STOML1: variants seen among roughly 807,000 people sequenced by gnomAD.
STOML1 encodes the protein stomatin like 1.
A neutral mutation model predicts 35.7 loss-of-function variants in STOML1; 27 were observed. That is an observed-to-expected ratio of 0.76 (90% CI 0.56 to 1.04). STOML1 has a LOEUF of 1.04. Ranked by LOEUF, STOML1 falls within the 50% of genes least tolerant of loss-of-function variation. STOML1 has a pLI of 0.00. For synonymous variants in STOML1, 219 were observed against 227.9 expected, an observed-to-expected ratio of 0.96 and a Z score of 0.35; for missense variants, 451 against 527.1, an observed-to-expected ratio of 0.86 and a Z score of 1.41.
At chr15:73,992,324 C>G (rs1313693226), upstream of STOML1, 3 of 1,322,024 alleles carry the variant, frequency 2.3e-6, no homozygotes, top group Admixed American at 4.1e-5. Context: ...TCCGGCTTCA[C>G]CCGCGCGGCC....
chr15:73,980,919 A>G lies in STOML1; in HGVS notation c.*3018T>C, dbSNP rs2068953326. On this transcript the variant is annotated 3_prime_UTR_variant, in exon 7 of 7. Transcript: ENST00000541638. ...AAAAATTAGCCGGTTGTGGTGGCACAACCTGTGGTCCCAGCTACTCAGGAA... is the reference window on the plus strand; with the variant it reads ...AAAAATTAGCCGGTTGTGGTGGCACGACCTGTGGTCCCAGCTACTCAGGAA... The G allele has an allele frequency of 6.6e-6, 1 of 152,120 alleles. No homozygotes were observed. The highest frequency in any genetic ancestry group is 6.5e-5 in the Admixed American group (1 of 15,274). 9.4% of individuals were successfully genotyped at this position (152,120 alleles called of 1,614,324 possible). A position where few individuals can be genotyped will look rare whatever the true frequency, so the allele number is the denominator to read the frequency against.
At chr15:73,985,812 A>C in intron 4 of STOML1, 3 of 354,078 alleles carry the variant, frequency 8.5e-6, no homozygotes, top group South Asian at 3.8e-5. Flanking sequence ...CAGACAAGAA[A>C]ACCTGGCATG....
rs918614602 is a variant in STOML1, at chr15:73,992,109, C to T, written c.115G>A (p.Gly39Ser). 1 of 1,598,460 alleles carries T rather than the reference C, an allele frequency of 6.3e-7. No individual in the cohort carries two copies. Among genetic ancestry groups the T allele is most frequent in the Admixed American group, 1.7e-5 (1 of 57,996 alleles). ...QKGCLSPERG[G>S]VGTGADVPQS... ...CACTCACCGGCCCCTGTCCCCACGC[C>T]GCCCCGCTCCGGGGACAAGCAGCCC... Residue 39 changes from glycine (G) to serine (S), a missense_variant, in exon 1 of 7, where the codon GGC becomes AGC. Physicochemically the swap from Gly to Ser is moderately conservative, Grantham distance 56 (BLOSUM62 0). Transcript: ENST00000541638.
chr15:73,992,400 C>T, upstream of STOML1: 3 of 636,046 alleles, frequency 4.7e-6, no homozygotes, highest in Non-Finnish European at 6.9e-6. Context: ...TCGCATGGCT[C>T]CCCCTGCGCT....
At position 73,989,268 on chromosome 15, in the gene STOML1, T is replaced by A; in HGVS notation, c.241-11A>T. 1.3e-6 allele frequency: 2 copies of A among 1,574,482 alleles called. No individual in the cohort carries two copies. Among genetic ancestry groups the A allele is most frequent in the Non-Finnish European group, 1.7e-6 (2 of 1,156,450 alleles). ...GTAGGTGGGCACAATCTGTCCACAA[T>A]GGCAAGGGAAAGAGTTGAAAGTGGT... On this transcript the variant is annotated splice_polypyrimidine_tract_variant and intron_variant, in intron 2 of 6. Coordinates refer to ENST00000541638, the MANE Select transcript of STOML1 (RefSeq NM_004809.5).
At chr15:73,991,165 TATTTC>T (rs1349094124) in intron 1 of STOML1, 8 of 328,368 alleles carry the variant, frequency 2.4e-5, no homozygotes, top group Non-Finnish European at 3.5e-5. Flanking sequence ...AAACCCTGCC[TATTTC>T]AATTCAAGAA....
Position 73,980,480 on chromosome 15 carries a change from A to G in STOML1, c.*3457T>C, listed in dbSNP as rs772262991. The G allele has an allele frequency of 6.6e-6, 1 of 152,272 alleles. No individual in the cohort carries two copies. Among genetic ancestry groups the G allele is most frequent in the Non-Finnish European group, 1.5e-5 (1 of 68,048 alleles). 9.4% of individuals were successfully genotyped at this position (152,272 alleles called of 1,614,324 possible). ...AGCACAGGGAAAGGCTGTCTGTGGT[A>G]ACATGGAAAGATCCTCAGTGGGTAA... is the stretch of plus-strand genomic sequence containing the variant. On this transcript the variant is annotated 3_prime_UTR_variant, in exon 7 of 7. Coordinates refer to ENST00000541638, the MANE Select transcript of STOML1 (RefSeq NM_004809.5).
chr15:73,988,459 G>T lies in STOML1; in HGVS notation c.594+140C>A. On this transcript the variant is annotated intron_variant, in intron 4 of 6. Coordinates refer to ENST00000541638, the MANE Select transcript of STOML1 (RefSeq NM_004809.5). The surrounding 1 kb of genome is among the most constrained non-coding windows in gnomAD (Gnocchi z 4.8). ...AACTCATGGCCCCACCCAGGCACTG[G>T]CTCTTCAAAGGTGGTTACACTATTG... The T allele has an allele frequency of 1.0e-6, 1 of 1,000,634 alleles. No individual in the cohort carries two copies. 62.0% of individuals were successfully genotyped at this position (1,000,634 alleles called of 1,614,324 possible). A position where few individuals can be genotyped will look rare whatever the true frequency, so the allele number is the denominator to read the frequency against.
chr15:73,985,881 G>C (rs2069082181), intron 4 of STOML1: 1 of 237,184 alleles, frequency 4.2e-6, no homozygotes. Context: ...TGTCGGCTGA[G>C]GACTGGAGAC....
upstream of STOML1, chr15:73,994,563 G>A: frequency 1.7e-6 from 1 of 576,526 alleles, no homozygotes; most frequent in Non-Finnish European, 3.2e-6. Flanking sequence ...TAAGTCAGCG[G>A]TAGGTCTGCA....
At chr15:73,992,771 T>G (rs1311898251), upstream of STOML1, among the ~76,000 whole-genome samples, 1 of 152,224 alleles carries the variant, frequency 6.6e-6, no homozygotes, top group East Asian at 1.9e-4. Flanking sequence ...ATCGTGCCAC[T>G]GCACTGCAGT....
At chr15:73,990,146 TA>T in intron 2 of STOML1, 1 of 553,586 alleles carries the variant, frequency 1.8e-6, no homozygotes. Context: ...TTCTACCCCC[TA>T]CTGGCTCCCA....
At chr15:73,985,655 A>G (rs569362604) in intron 4 of STOML1, 142 bp from the exon 5 acceptor site, 16 of 1,000,280 alleles carry the variant, frequency 1.6e-5, no homozygotes, top group Non-Finnish European at 2.3e-5. Context: ...ACACAGGCAG[A>G]GGGCAATGAC....
intron 4 of STOML1, chr15:73,987,798 A>C (rs1454168472): frequency 6.6e-6 from 1 of 152,264 alleles, no homozygotes; most frequent in Non-Finnish European, 1.5e-5. Context: ...TAAACTGCTA[A>C]GCACGTAAGA....
In STOML1 at chr15:73,989,155, G is replaced by A. The variant is rs1392782964; in HGVS notation, c.343C>T (p.Gln115Ter). 6.2e-7 allele frequency: 1 copy of A among 1,612,618 alleles called. No individual in the cohort carries two copies. Among genetic ancestry groups the A allele is most frequent in the Non-Finnish European group, 8.5e-7 (1 of 1,179,260 alleles). ...GCTCGTGTCCTCAGATCCACCCTCT[G>A]AAAGGAGTCAATGAAGGGCAAGAGC... ...VLLLPFIDSF[Q>*]RVDLRTRAFN... The change falls in exon 3 of 7, where the codon CAG (glutamine) becomes TAG (stop). Residue 115 changes from glutamine (Q) to a stop codon, truncating the protein, a stop_gained. Coordinates refer to ENST00000541638, the MANE Select transcript of STOML1 (RefSeq NM_004809.5). LOFTEE classifies it high-confidence loss of function.
Position 73,980,425 on chromosome 15 carries a change from A to G in STOML1, c.*3512T>C, listed in dbSNP as rs143228960. ...AGGTTGAATAATTTATGATACATCC[A>G]TACTGTGGAATCCTATGTAAGTACA... is the stretch of plus-strand genomic sequence containing the variant. On this transcript the variant is annotated 3_prime_UTR_variant, in exon 7 of 7. Coordinates refer to ENST00000541638, the MANE Select transcript of STOML1 (RefSeq NM_004809.5). 1 of 152,350 alleles carries G rather than the reference A, an allele frequency of 6.6e-6. No homozygotes were observed. Among genetic ancestry groups the G allele is most frequent in the East Asian group, 1.9e-4 (1 of 5,192 alleles). The allele number at this position is 152,350 out of a possible 1,614,324, so 9.4% of individuals were successfully genotyped here.
At position 73,985,379 on chromosome 15, in the gene STOML1, G is replaced by T; in HGVS notation, c.729C>A (p.Ala243=). 6.4e-7 allele frequency: 1 copy of T among 1,558,006 alleles called. No homozygotes were observed. ...TCATGCTTCCTCCCAGGAAGTGCAG[G>T]GCCAGCTGCTGGAGGGTGCTGTCCA... ...PNLDSTLQQL[A]LHFLGGSMNS... is the part of the protein sequence containing the mutation. Residue 243 remains alanine, a synonymous_variant, in exon 5 of 7, where the codon GCC becomes GCA. Coordinates refer to ENST00000541638, the MANE Select transcript of STOML1 (RefSeq NM_004809.5).
At position 73,990,725 on chromosome 15, in the gene STOML1, A is replaced by G. The variant is rs530220306; in HGVS notation, c.134-268T>C. The G allele has an allele frequency of 5.9e-5, 80 of 1,363,816 alleles. 1 individual carries two copies. In the South Asian group the frequency reaches 8.9e-4, roughly 15 times the overall value. 84.5% of individuals were successfully genotyped at this position (1,363,816 alleles called of 1,614,324 possible). A position where few individuals can be genotyped will look rare whatever the true frequency, so the allele number is the denominator to read the frequency against. On this transcript the variant is annotated intron_variant, in intron 1 of 6. Transcript: ENST00000541638. ...TTCTCTGCTAGGCAACAGCCATTCAATCTCAGAATCCAGTCCGCGTGATGA... is the reference window on the plus strand; with the variant it reads ...TTCTCTGCTAGGCAACAGCCATTCAGTCTCAGAATCCAGTCCGCGTGATGA...
rs758813084 is a variant in STOML1, at chr15:73,985,375, G to T, written c.733C>A (p.His245Asn). ...LDSTLQQLAL[H>N]FLGGSMNSMA... ...GAGTTCATGCTTCCTCCCAGGAAGT[G>T]CAGGGCCAGCTGCTGGAGGGTGCTG... The change falls in exon 5 of 7, where the codon CAC becomes AAC. Residue 245 changes from histidine (H) to asparagine (N), a missense_variant. Transcript: ENST00000541638. 5.8e-6 allele frequency: 9 copies of T among 1,559,578 alleles called. No homozygotes were observed. The Middle Eastern group carries it at 1.6e-3, about 274-fold the overall frequency.
Sources: gnomAD v4.1 joint callset for allele counts (sites outside exome capture counted in the v4.1 genomes callset) on GRCh38, gnomAD v4.1.1 for gene constraint, Gnocchi (gnomAD v3.1) non-coding constraint, MANE v1.5 for transcripts, NCBI Gene and HGNC (gene_info 2026-07-23, HGNC 2026-07-21) for gene names.